The following UMAD1 variants were observed in gnomAD, a reference collection of about 807,000 sequenced individuals.
UMAD1 encodes the protein UBAP1-MVB12-associated (UMA) domain containing 1.
UMAD1 carries 8 observed loss-of-function variants against 6.1 expected under a neutral mutation model. That is an observed-to-expected ratio of 1.30 (90% CI 0.76 to 2.35). UMAD1 has a LOEUF of 2.35. Ranked by LOEUF, UMAD1 falls within the 30% of genes most tolerant of loss-of-function variation. The pLI is 0.00. For synonymous variants in UMAD1, 56 were observed against 31.4 expected (o/e 1.78, Z -2.61); for missense variants, 130 against 78.4 (o/e 1.66, Z -2.49).
chr7:7,642,712 C>A (rs1234548615), intron 1 of UMAD1, among the ~76,000 whole-genome samples: 1 of 152,018 alleles, frequency 6.6e-6, no homozygotes, highest in South Asian at 2.1e-4. Context: ...GAAATGAATC[C>A]ATGGGGCCTG....
chr7:7,710,096 G>C (rs1386248950), intron 2 of UMAD1, among the ~76,000 whole-genome samples: 1 of 152,054 alleles, frequency 6.6e-6, no homozygotes, highest in Admixed American at 6.6e-5. Context: ...CATGTATCTG[G>C]TCTCATCTAT....
intron 2 of UMAD1, among the ~76,000 whole-genome samples, chr7:7,714,631 G>A (rs774174131): frequency 2.0e-5 from 3 of 152,064 alleles, no homozygotes; most frequent in African/African-American, 7.2e-5. Flanking sequence ...AACAGTTGGA[G>A]GTTGTGTACA....
intron 2 of UMAD1, among the ~76,000 whole-genome samples, chr7:7,728,226 A>G (rs1442111557): frequency 6.6e-6 from 1 of 151,568 alleles, no homozygotes; most frequent in Non-Finnish European, 1.5e-5. Flanking sequence ...TCAACTTGAC[A>G]TAAAGATCTA....
intron 3 of UMAD1, among the ~76,000 whole-genome samples, chr7:7,806,964 A>G (rs893823602): frequency 2.3e-4 from 35 of 152,180 alleles, no homozygotes; most frequent in African/African-American, 7.2e-4. Context: ...CTTTTAGTAT[A>G]CCGAAAGAGG....
chr7:7,664,442 C>A (rs1044690645), intron 1 of UMAD1, among the ~76,000 whole-genome samples: 3 of 152,198 alleles, frequency 2.0e-5, no homozygotes. Flanking sequence ...TGTTTTGCCA[C>A]TCTGAATATG....
intron 2 of UMAD1, among the ~76,000 whole-genome samples, chr7:7,791,609 C>T (rs773036651): frequency 1.3e-5 from 2 of 152,192 alleles, no homozygotes; most frequent in Non-Finnish European, 2.9e-5. Flanking sequence ...GGGGTTCCGT[C>T]AAGATCTTCC....
At chr7:7,656,164 C>T (rs369798174) in intron 1 of UMAD1, among the ~76,000 whole-genome samples, 13 of 152,042 alleles carry the variant, frequency 8.6e-5, no homozygotes, top group South Asian at 4.1e-4. Flanking sequence ...GTGAGGTTAC[C>T]GCCACTACTT....
At chr7:7,856,464 A>G (rs1784020543) in intron 3 of UMAD1, among the ~76,000 whole-genome samples, 1 of 152,148 alleles carries the variant, frequency 6.6e-6, no homozygotes, top group South Asian at 2.1e-4. Flanking sequence ...CAAGAACAGC[A>G]TGGGGAAAAC....
At chr7:7,784,887 C>G (rs897005427) in intron 2 of UMAD1, among the ~76,000 whole-genome samples, 1 of 151,120 alleles carries the variant, frequency 6.6e-6, no homozygotes, top group Non-Finnish European at 1.5e-5. Flanking sequence ...CTCAGCCTCC[C>G]GAGTAGCTGG....
intron 2 of UMAD1, among the ~76,000 whole-genome samples, chr7:7,714,093 G>A (rs28912684): frequency 0.054 from 8,212 of 152,264 alleles, 258 homozygotes; most frequent in Middle Eastern, 0.12. Flanking sequence ...TTATCTTTTT[G>A]ATGAAGATTT....
At chr7:7,688,909 C>T (rs927384269) in intron 2 of UMAD1, among the ~76,000 whole-genome samples, 1 of 152,058 alleles carries the variant, frequency 6.6e-6, no homozygotes, top group Admixed American at 6.6e-5. Flanking sequence ...GGTATTTTCT[C>T]CAATGAAAAT....
intron 3 of UMAD1, among the ~76,000 whole-genome samples, chr7:7,849,757 C>T (rs1454584834): frequency 6.6e-6 from 1 of 151,776 alleles, no homozygotes; most frequent in Non-Finnish European, 1.5e-5. Context: ...ATGGTAAGTA[C>T]AGCAAATGAA....
At chr7:7,733,397 A>G (rs1030493607) in intron 2 of UMAD1, among the ~76,000 whole-genome samples, 2 of 151,964 alleles carry the variant, frequency 1.3e-5, no homozygotes, top group Non-Finnish European at 2.9e-5. Flanking sequence ...GACAGTTGCT[A>G]TCTTAGAAAG....
intron 2 of UMAD1, among the ~76,000 whole-genome samples, chr7:7,720,062 T>C (rs1781012316): frequency 1.3e-5 from 2 of 152,214 alleles, no homozygotes; most frequent in African/African-American, 2.4e-5. Context: ...AGCCATCTGT[T>C]TGAAAATGTA....
At chr7:7,742,045 C>G (rs959867036) in intron 2 of UMAD1, 6 of 525,056 alleles carry the variant, frequency 1.1e-5, no homozygotes, top group African/African-American at 1.9e-5. Flanking sequence ...TTCCATTGTA[C>G]AGCACAGGGC....
chr7:7,715,833 T>C (rs1027869776), intron 2 of UMAD1, among the ~76,000 whole-genome samples: 3 of 152,156 alleles, frequency 2.0e-5, no homozygotes, highest in Admixed American at 6.5e-5. Flanking sequence ...TAAAATAGAA[T>C]AGCATCAAAC....
chr7:7,723,988 G>T (rs929825503), intron 2 of UMAD1, among the ~76,000 whole-genome samples: 3 of 152,094 alleles, frequency 2.0e-5, no homozygotes, highest in Non-Finnish European at 2.9e-5. Context: ...CAGAATCATG[G>T]CTCCTCAATC....
At chr7:7,652,023 G>C (rs1008392366) in intron 1 of UMAD1, among the ~76,000 whole-genome samples, 3 of 152,168 alleles carry the variant, frequency 2.0e-5, no homozygotes, top group African/African-American at 7.2e-5. Context: ...TTGTCAGGGA[G>C]GGGTAGAAGG....
intron 1 of UMAD1, among the ~76,000 whole-genome samples, chr7:7,644,457 C>G (rs957387496): frequency 1.3e-5 from 2 of 150,130 alleles, no homozygotes; most frequent in African/African-American, 4.9e-5. Context: ...TTTATGAATT[C>G]TTTGATACAT....
Sources: allele counts gnomAD v4.1 joint callset (sites outside exome capture counted in the v4.1 genomes callset), GRCh38; gene constraint gnomAD v4.1.1; transcripts MANE v1.5; gene names NCBI Gene and HGNC (gene_info 2026-07-23, HGNC 2026-07-21).